The following TPD52L1 variants were observed in gnomAD, a reference collection of about 807,000 sequenced individuals.
TPD52L1 encodes TPD52 like 1, also known as tumor protein D53.
Under a neutral mutation model 28.7 loss-of-function variants are expected in TPD52L1, and 18 were observed. That is an observed-to-expected ratio of 0.63 (90% confidence interval 0.43 to 0.93). TPD52L1 has a LOEUF of 0.93. Ranked by LOEUF, TPD52L1 falls within the 40% of genes least tolerant of loss-of-function variation. The pLI, the probability that TPD52L1 is intolerant of heterozygous loss-of-function variation, is 0.00. For synonymous variants in TPD52L1, 75 were observed against 88.8 expected (o/e 0.84, Z 0.88); for missense variants, 203 against 254.8 (o/e 0.80, Z 1.39).
chr6:125,165,361 T>C (rs1405583887), intron 1 of TPD52L1, among the ~76,000 whole-genome samples: 1 of 152,120 alleles, frequency 6.6e-6, no homozygotes, highest in Non-Finnish European at 1.5e-5. Context: ...TTGAAATGGC[T>C]AAAAGGAAGC....
At chr6:125,216,529 GTA>G (rs56135453) in intron 1 of TPD52L1, among the ~76,000 whole-genome samples, 3,166 of 68,676 alleles carry the variant, frequency 0.046, 27 homozygotes, top group East Asian at 0.1. Flanking sequence ...GTATGTGTGT[GTA>G]TATATATATA....
At position 125,223,821 on chromosome 6, in the gene TPD52L1, A is replaced by G. The variant is rs372168190; in HGVS notation, c.135+3628A>G. Reference sequence around the variant, plus strand: ...TTAAAGTTCATCAAGTGTGAGGCCAATATCACCTCTGATCTGGTGCAGTGG... The same window carrying G: ...TTAAAGTTCATCAAGTGTGAGGCCAGTATCACCTCTGATCTGGTGCAGTGG... On this transcript the variant is annotated intron_variant, in intron 2 of 6. Coordinates refer to ENST00000534000, the MANE Select transcript of TPD52L1 (RefSeq NM_003287.4). 1.8e-4 allele frequency among the ~76,000 whole-genome samples: 28 copies of G among 152,166 alleles called. No homozygotes were observed. The East Asian group carries it at 2.7e-3, about 15-fold the overall frequency.
At chr6:125,244,933 G>A (rs943406701) in intron 3 of TPD52L1, among the ~76,000 whole-genome samples, 28 of 152,118 alleles carry the variant, frequency 1.8e-4, no homozygotes, top group Non-Finnish European at 8.8e-5. Context: ...TGTAGTGCTC[G>A]CCCCCTTCCC....
At chr6:125,224,499 G>A (rs1795470825) in intron 2 of TPD52L1, among the ~76,000 whole-genome samples, 1 of 133,622 alleles carries the variant, frequency 7.5e-6, no homozygotes, top group East Asian at 2.0e-4. Context: ...CTCTCTCTCA[G>A]CTCCTTCCTG....
At chr6:125,185,862 G>GAGAATACC (rs1462845441) in intron 1 of TPD52L1, among the ~76,000 whole-genome samples, 1 of 150,480 alleles carries the variant, frequency 6.6e-6, no homozygotes, top group Non-Finnish European at 1.5e-5. Context: ...CTAGAAGATA[G>GAGAATACC]AGAATACCAT....
At chr6:125,169,865 C>A (rs551949065) in intron 1 of TPD52L1, among the ~76,000 whole-genome samples, 7 of 152,262 alleles carry the variant, frequency 4.6e-5, no homozygotes, top group African/African-American at 1.4e-4. Flanking sequence ...AGGGCAAAGA[C>A]CTTACAGTGG....
intron 1 of TPD52L1, among the ~76,000 whole-genome samples, chr6:125,187,928 ATT>A (rs35969302): frequency 1.4e-5 from 2 of 147,540 alleles, no homozygotes; most frequent in Non-Finnish European, 1.5e-5. Flanking sequence ...CTAAACTGAG[ATT>A]TTTTTTTTTT....
intron 4 of TPD52L1, chr6:125,251,926 C>T: frequency 7.7e-7 from 1 of 1,297,020 alleles, no homozygotes; most frequent in Non-Finnish European, 1.1e-6. Flanking sequence ...GCTCTGGGGC[C>T]CTTGAAAGGG....
intron 1 of TPD52L1, among the ~76,000 whole-genome samples, chr6:125,209,232 A>C (rs1172342370): frequency 6.6e-6 from 1 of 152,208 alleles, no homozygotes; most frequent in African/African-American, 2.4e-5. Flanking sequence ...AGGAGGCCCT[A>C]GCCATGAAGG....
chr6:125,253,847 T>C, intron 5 of TPD52L1, 92 bp downstream of exon 5: 4 of 1,208,452 alleles, frequency 3.3e-6, no homozygotes, highest in Non-Finnish European at 4.9e-6. Flanking sequence ...TCCTCTGCTT[T>C]ATGTGAAAGG....
chr6:125,178,491 C>T (rs1227959401), intron 1 of TPD52L1, among the ~76,000 whole-genome samples: 1 of 152,040 alleles, frequency 6.6e-6, no homozygotes, highest in Non-Finnish European at 1.5e-5. Flanking sequence ...CGTGGTGGCA[C>T]ATGCCTGTGG....
intron 1 of TPD52L1, among the ~76,000 whole-genome samples, chr6:125,177,786 T>C (rs1281942806): frequency 6.6e-6 from 1 of 152,214 alleles, no homozygotes. Context: ...TAACAAACCA[T>C]TACTTTTAAA....
intron 1 of TPD52L1, among the ~76,000 whole-genome samples, chr6:125,203,230 C>T (rs938500389): frequency 1.3e-5 from 2 of 152,212 alleles, no homozygotes; most frequent in Non-Finnish European, 2.9e-5. Context: ...TCCTCATACA[C>T]TATGGGAGTT....
In TPD52L1 at chr6:125,228,997, C is replaced by T. The variant is rs934304193; in HGVS notation, c.136-121C>T. ...TCTGTATGGGGTGTATTTGGCAAACCTACACATGGGATTGTATAAATAGGA... is the reference window on the plus strand; with the variant it reads ...TCTGTATGGGGTGTATTTGGCAAACTTACACATGGGATTGTATAAATAGGA... On this transcript the variant is annotated intron_variant, in intron 2 of 6. Transcript: ENST00000534000. 7 of 1,017,276 alleles carry T rather than the reference C, an allele frequency of 6.9e-6. No individual in the cohort carries two copies. In the African/African-American group the frequency reaches 1.0e-4, roughly 15 times the overall value. The allele number at this position is 1,017,276 out of a possible 1,614,324, so 63.0% of individuals were successfully genotyped here.
intron 2 of TPD52L1, among the ~76,000 whole-genome samples, chr6:125,225,268 T>C (rs1211959041): frequency 6.6e-6 from 1 of 152,244 alleles, no homozygotes; most frequent in Non-Finnish European, 1.5e-5. Flanking sequence ...ATTTGGGCTG[T>C]AGTCACCTTT....
At chr6:125,172,537 T>TATATATATAATATATATATA (rs1791520931) in intron 1 of TPD52L1, among the ~76,000 whole-genome samples, 1 of 88,882 alleles carries the variant, frequency 1.1e-5, no homozygotes, top group African/African-American at 5.0e-5. Context: ...TATATATATA[T>TATATATATAATATATATATA]ATATATATAT....
chr6:125,186,251 C>T (rs1045283022), intron 1 of TPD52L1, among the ~76,000 whole-genome samples: 3 of 152,122 alleles, frequency 2.0e-5, no homozygotes, highest in Admixed American at 1.3e-4. Context: ...AGAGAGTAAA[C>T]GATTTAGGCT....
At chr6:125,185,264 G>T (rs1792523034) in intron 1 of TPD52L1, among the ~76,000 whole-genome samples, 1 of 152,114 alleles carries the variant, frequency 6.6e-6, no homozygotes, top group Non-Finnish European at 1.5e-5. Context: ...GGACAGAGAG[G>T]CTTTGATGAT....
At chr6:125,166,384 G>A (rs1476222685) in intron 1 of TPD52L1, among the ~76,000 whole-genome samples, 7 of 152,156 alleles carry the variant, frequency 4.6e-5, no homozygotes, top group Non-Finnish European at 1.0e-4. Flanking sequence ...TGAAGGGTTA[G>A]GTCAGCCCTG....
Sources: gnomAD v4.1 joint callset for allele counts (sites outside exome capture counted in the v4.1 genomes callset) on GRCh38, gnomAD v4.1.1 for gene constraint, MANE v1.5 for transcripts, NCBI Gene and HGNC (gene_info 2026-07-23, HGNC 2026-07-21) for gene names.